The following CLOCK variants were observed in gnomAD, a reference collection of about 807,000 sequenced individuals.
CLOCK encodes circadian locomoter output cycles protein kaput.
In CLOCK, 43 loss-of-function variants were observed where a neutral mutation model predicts 118.4. The observed-to-expected ratio is 0.36, with a 90% CI of 0.28 to 0.47. The LOEUF is 0.47. CLOCK is among the 20% of genes least tolerant of loss of function. The probability of loss-of-function intolerance (pLI) is 1.00; values close to 1 mark genes in which losing one functional copy is unlikely to be tolerated. For missense variants in CLOCK, 846 were observed against 999.9 expected (o/e 0.85, Z 2.08); for synonymous variants, 326 against 339.2 (o/e 0.96, Z 0.43).
intron 8 of CLOCK, among the ~76,000 whole-genome samples, chr4:55,465,339 T>C (rs1056459707): frequency 5.9e-5 from 9 of 152,186 alleles, no homozygotes; most frequent in African/African-American, 1.9e-4. Flanking sequence ...TCCATGGATT[T>C]TGGTATCTGC....
intron 8 of CLOCK, among the ~76,000 whole-genome samples, chr4:55,465,291 T>C (rs373766350): frequency 2.0e-5 from 3 of 152,226 alleles, no homozygotes; most frequent in East Asian, 1.9e-4. Context: ...GTAAGTTACA[T>C]GTAAATACAA....
At chr4:55,491,373 A>AG (rs1373845121) in intron 2 of CLOCK, among the ~76,000 whole-genome samples, 3 of 123,826 alleles carry the variant, frequency 2.4e-5, no homozygotes, top group East Asian at 3.0e-4. Context: ...AACAGTGAAT[A>AG]GGAAAAAAAA....
intron 2 of CLOCK, among the ~76,000 whole-genome samples, chr4:55,500,428 C>T (rs1029425172): frequency 1.3e-5 from 2 of 152,142 alleles, no homozygotes; most frequent in Admixed American, 6.5e-5. Context: ...ACTGCAGCCT[C>T]GACCTCCTGG....
At chr4:55,464,796 G>A (rs566915082) in intron 8 of CLOCK, among the ~76,000 whole-genome samples, 1 of 152,316 alleles carries the variant, frequency 6.6e-6, no homozygotes, top group African/African-American at 2.4e-5. Context: ...AAGGGGTGTT[G>A]TATTAGGTTG....
At position 55,438,272 on chromosome 4, in the gene CLOCK, G is replaced by A; in HGVS notation, c.2361+10C>T. The stretch of plus-strand genomic sequence containing the variant: ...TGAGTTTGAAGCAGCTTCCCCATGG[G>A]GAGAATTACCTGTAAAAATTGTTGC... On this transcript the variant is annotated intron_variant, in intron 22 of 22. Transcript: ENST00000513440. 6.2e-7 allele frequency: 1 copy of A among 1,614,052 alleles called. No individual in the cohort carries two copies. The highest frequency in any genetic ancestry group is 1.3e-5 in the African/African-American group (1 of 75,040).
intron 18 of CLOCK, among the ~76,000 whole-genome samples, chr4:55,445,352 C>T (rs892631914): frequency 6.6e-6 from 1 of 152,082 alleles, no homozygotes; most frequent in African/African-American, 2.4e-5. Context: ...ACCAGTACCC[C>T]AGCTGATGGC....
chr4:55,522,705 T>A (rs1055786586), intron 1 of CLOCK, among the ~76,000 whole-genome samples: 1 of 151,940 alleles, frequency 6.6e-6, no homozygotes, highest in Non-Finnish European at 1.5e-5. Context: ...CCACCATATA[T>A]ATGTATGTAT....
intron 1 of CLOCK, among the ~76,000 whole-genome samples, chr4:55,542,385 T>A (rs139504861): frequency 9.9e-5 from 4 of 40,472 alleles, no homozygotes; most frequent in African/African-American, 2.6e-4. Context: ...AATAATATTA[T>A]TATTATTATT....
intron 21 of CLOCK, 67 bp downstream of exon 21, chr4:55,442,365 T>A (rs1723439159): frequency 7.2e-7 from 1 of 1,383,908 alleles, no homozygotes; most frequent in Non-Finnish European, 1.0e-6. Context: ...GATTAAGAAA[T>A]CAAATTATTG....
intron 21 of CLOCK, among the ~76,000 whole-genome samples, chr4:55,440,988 C>A (rs12505880): frequency 0.36 from 51,458 of 144,372 alleles, 8,924 homozygotes; most frequent in East Asian, 0.58. Context: ...AAACAAAACA[C>A]AACACAACAA....
chr4:55,475,904 C>A, intron 7 of CLOCK, 59 bp downstream of exon 7: 1 of 1,176,740 alleles, frequency 8.5e-7, no homozygotes, highest in Non-Finnish European at 1.3e-6. Context: ...GATATTAAGT[C>A]ACCCTGTGAT....
chr4:55,545,052 C>CTTTTTTTT lies in CLOCK; in HGVS notation c.-290+1722_-290+1729dup, dbSNP rs34291520. 4.6e-3 allele frequency among the ~76,000 whole-genome samples: 669 copies of CTTTTTTTT among 144,654 alleles called. 3 individuals are homozygous for CTTTTTTTT. Among genetic ancestry groups the CTTTTTTTT allele is most frequent in the Middle Eastern group, 0.018 (5 of 284 alleles). 94.9% of individuals were successfully genotyped at this position (144,654 alleles called of 152,430 possible). On this transcript the variant is annotated intron_variant, in intron 1 of 22. Coordinates refer to ENST00000513440, the MANE Select transcript of CLOCK (RefSeq NM_004898.4). ...TTTCAGTCTGCTTTCTTCAGGCTAACTTTTTTTTTTTTTACTTTTTTTATT... is the reference window on the plus strand; with the variant it reads ...TTTCAGTCTGCTTTCTTCAGGCTAACTTTTTTTTTTTTTTTTTTTTTACTTTTTTTATT...
intron 18 of CLOCK, among the ~76,000 whole-genome samples, chr4:55,445,556 C>T (rs1577686231): frequency 1.5e-5 from 2 of 135,048 alleles, no homozygotes; most frequent in South Asian, 5.2e-4. Flanking sequence ...CTAGTGGTTG[C>T]TCTCTGCATC....
At chr4:55,482,086 T>G (rs561648422) in intron 4 of CLOCK, among the ~76,000 whole-genome samples, 9 of 152,272 alleles carry the variant, frequency 5.9e-5, no homozygotes, top group Non-Finnish European at 1.2e-4. Context: ...AAAGACAACT[T>G]AAAGTCTTTT....
chr4:55,472,220 G>A (rs1019434129), intron 7 of CLOCK, among the ~76,000 whole-genome samples: 1 of 152,182 alleles, frequency 6.6e-6, no homozygotes, highest in Non-Finnish European at 1.5e-5. Context: ...AAGAAAATGA[G>A]AAATGAATTT....
intron 18 of CLOCK, among the ~76,000 whole-genome samples, chr4:55,446,848 T>G (rs1028441734): frequency 9.9e-5 from 15 of 152,174 alleles, no homozygotes; most frequent in African/African-American, 3.1e-4. Context: ...GTGAACTGTA[T>G]GTAAAAGTGA....
At chr4:55,506,763 G>A (rs373296359) in intron 2 of CLOCK, among the ~76,000 whole-genome samples, 7 of 151,796 alleles carry the variant, frequency 4.6e-5, no homozygotes, top group Non-Finnish European at 7.4e-5. Context: ...GTTTTACCAC[G>A]CTGGCCAGGC....
At chr4:55,444,414 A>G (rs1480140835) in intron 19 of CLOCK, among the ~76,000 whole-genome samples, 1 of 152,198 alleles carries the variant, frequency 6.6e-6, no homozygotes, top group Non-Finnish European at 1.5e-5. Context: ...AAAAAAGATG[A>G]CTGGAGAAAC....
chr4:55,446,396 G>A (rs1434355048), intron 18 of CLOCK, among the ~76,000 whole-genome samples: 1 of 151,888 alleles, frequency 6.6e-6, no homozygotes, highest in African/African-American at 2.4e-5. Context: ...CTTAACAAAG[G>A]AAAAAGTAGT....
Sources: allele counts gnomAD v4.1 joint callset (sites outside exome capture counted in the v4.1 genomes callset), GRCh38; gene constraint gnomAD v4.1.1; transcripts MANE v1.5; gene names NCBI Gene and HGNC (gene_info 2026-07-23, HGNC 2026-07-21).